The following PSD3 variants were observed in gnomAD, a reference collection of about 807,000 sequenced individuals.
The protein encoded by PSD3 is pleckstrin and Sec7 domain containing 3.
In PSD3, 49 loss-of-function variants were observed where a neutral mutation model predicts 105.5. The ratio of observed to expected loss-of-function variants is 0.46; its 90% CI spans 0.37 to 0.59. The LOEUF is 0.59. Among genes scored for constraint, PSD3 ranks in the 20% least tolerant of loss-of-function variants. PSD3 has a pLI of 0.00. For missense variants in PSD3, 1,561 were observed against 1,263.8 expected (o/e 1.24, Z -3.57); for synonymous variants, 557 against 457.8 (o/e 1.22, Z -2.77).
chr8:18,796,143 T>A (rs1405590255), intron 8 of PSD3, among the ~76,000 whole-genome samples: 1 of 148,734 alleles, frequency 6.7e-6, no homozygotes, highest in Non-Finnish European at 1.5e-5. Context: ...CAGTCACATT[T>A]TTTTAAAAGC....
At chr8:18,784,591 G>T (rs924318891) in intron 8 of PSD3, among the ~76,000 whole-genome samples, 1 of 152,194 alleles carries the variant, frequency 6.6e-6, no homozygotes, top group African/African-American at 2.4e-5. Context: ...GCTATAAATG[G>T]GGGTTTGCAG....
intron 15 of PSD3, among the ~76,000 whole-genome samples, chr8:18,551,745 A>G (rs1800780334): frequency 6.6e-6 from 1 of 152,218 alleles, no homozygotes; most frequent in African/African-American, 2.4e-5. Flanking sequence ...TTCAGTCATG[A>G]GGGAAGTGGA....
At chr8:18,833,410 G>C (rs1813839904) in intron 4 of PSD3, among the ~76,000 whole-genome samples, 1 of 152,142 alleles carries the variant, frequency 6.6e-6, no homozygotes, top group Non-Finnish European at 1.5e-5. Context: ...TTTCCCAATA[G>C]GCCAGTACCA....
intron 6 of PSD3, chr8:18,802,257 CA>C: frequency 4.1e-6 from 1 of 246,842 alleles, no homozygotes; most frequent in Non-Finnish European, 8.7e-6. Flanking sequence ...GGAAGTGTAT[CA>C]AAAACCACAC....
chr8:18,937,097 C>T (rs1262141421), intron 1 of PSD3, among the ~76,000 whole-genome samples: 1 of 152,214 alleles, frequency 6.6e-6, no homozygotes, highest in East Asian at 1.9e-4. Flanking sequence ...TAACTCTGAA[C>T]TCCTAAGACC....
intron 15 of PSD3, among the ~76,000 whole-genome samples, chr8:18,536,589 A>G (rs7830917): frequency 0.031 from 4,784 of 152,272 alleles, 152 homozygotes; most frequent in African/African-American, 0.081. Flanking sequence ...TGCTATGAAC[A>G]GTATGAAGCT....
At chr8:18,652,142 G>A (rs570694483) in intron 10 of PSD3, among the ~76,000 whole-genome samples, 1 of 152,216 alleles carries the variant, frequency 6.6e-6, no homozygotes, top group African/African-American at 2.4e-5. Flanking sequence ...TAGAAATGGA[G>A]CACACACGAC....
At chr8:18,732,499 G>A (rs755715358) in intron 9 of PSD3, among the ~76,000 whole-genome samples, 12 of 152,328 alleles carry the variant, frequency 7.9e-5, no homozygotes, top group East Asian at 3.9e-4. Context: ...GCTAATGGCC[G>A]AGCTGACCTG....
chr8:18,566,379 A>G (rs2634437), intron 14 of PSD3, among the ~76,000 whole-genome samples: 141,670 of 151,858 alleles, frequency 0.93, 66,222 homozygotes, highest in Non-Finnish European at 0.97. Flanking sequence ...ACGAAAAATT[A>G]GCTGGGTATG....
At chr8:18,983,814 C>A (rs1825360378) in intron 1 of PSD3, among the ~76,000 whole-genome samples, 1 of 151,486 alleles carries the variant, frequency 6.6e-6, no homozygotes, top group Non-Finnish European at 1.5e-5. Flanking sequence ...GCCAGGGCAA[C>A]ATAGCCAGAC....
In PSD3 at chr8:18,529,784, T is replaced by C. The variant is rs1351075766; in HGVS notation, c.*5959A>G. The C allele has an allele frequency of 6.6e-6, 1 of 152,634 alleles. No individual in the cohort carries two copies. Among genetic ancestry groups the C allele is most frequent in the Non-Finnish European group, 1.5e-5 (1 of 68,042 alleles). 9.5% of individuals were successfully genotyped at this position (152,634 alleles called of 1,614,324 possible). A position where few individuals can be genotyped will look rare whatever the true frequency, so the allele number is the denominator to read the frequency against. ...GTTAAGGCCCAAAAATGAAACGTTTTGCTTCTCCTACTCCTTTTCTACATG... is the reference window on the plus strand; with the variant it reads ...GTTAAGGCCCAAAAATGAAACGTTTCGCTTCTCCTACTCCTTTTCTACATG... On this transcript the variant is annotated 3_prime_UTR_variant, in exon 16 of 16. Transcript: ENST00000327040.
intron 9 of PSD3, among the ~76,000 whole-genome samples, chr8:18,727,600 C>T (rs1803430651): frequency 1.4e-5 from 2 of 145,712 alleles, no homozygotes; most frequent in Non-Finnish European, 3.0e-5. Context: ...ACACACACAC[C>T]CCTCTTATTC....
At chr8:18,717,894 T>C (rs1043506990) in intron 9 of PSD3, among the ~76,000 whole-genome samples, 3 of 152,102 alleles carry the variant, frequency 2.0e-5, no homozygotes, top group African/African-American at 7.2e-5. Flanking sequence ...ACTTGGTAAA[T>C]AGAACACAAA....
rs538970689 is a variant in PSD3 at position 18,623,726 on chromosome 8, G to A, written c.2410+8887C>T. ...ATAAAGTAGGTATACATGTACTACCGCCAAATGTAAAAAATATATATTATC... is the reference window on the plus strand; with the variant it reads ...ATAAAGTAGGTATACATGTACTACCACCAAATGTAAAAAATATATATTATC... On this transcript the variant is annotated intron_variant, in intron 11 of 15. Transcript: ENST00000327040. Among the ~76,000 whole-genome samples the A allele has an allele frequency of 2.1e-3, 323 of 151,442 alleles. 2 individuals are homozygous for A. Among genetic ancestry groups the A allele is most frequent in the African/African-American group, 7.2e-3 (297 of 41,320 alleles).
chr8:18,798,897 G>A (rs1304977064), intron 8 of PSD3, among the ~76,000 whole-genome samples: 3 of 152,124 alleles, frequency 2.0e-5, no homozygotes, highest in Non-Finnish European at 2.9e-5. Flanking sequence ...GAAAGGCTGA[G>A]TTATTCAACT....
intron 4 of PSD3, among the ~76,000 whole-genome samples, chr8:18,857,675 C>A (rs574002148): frequency 3.9e-5 from 6 of 152,148 alleles, no homozygotes; most frequent in Non-Finnish European, 8.8e-5. Flanking sequence ...CAAACTTCCA[C>A]GTGAATGTAA....
chr8:18,554,674 T>C (rs1585228593), intron 15 of PSD3, among the ~76,000 whole-genome samples: 1 of 152,138 alleles, frequency 6.6e-6, no homozygotes, highest in African/African-American at 2.4e-5. Flanking sequence ...GGCCTGGAAA[T>C]GAACTTAGGC....
At chr8:19,008,166 T>C (rs892434182) in intron 1 of PSD3, among the ~76,000 whole-genome samples, 5 of 152,190 alleles carry the variant, frequency 3.3e-5, no homozygotes, top group Non-Finnish European at 4.4e-5. Context: ...TATAGGGAGA[T>C]ATAAGCATCA....
At chr8:18,641,404 T>C (rs1303502101) in intron 10 of PSD3, among the ~76,000 whole-genome samples, 1 of 152,146 alleles carries the variant, frequency 6.6e-6, no homozygotes, top group Non-Finnish European at 1.5e-5. Flanking sequence ...GAGGGGTTCA[T>C]CATCCAGTAG....
Sources: allele counts gnomAD v4.1 joint callset (sites outside exome capture counted in the v4.1 genomes callset), GRCh38; gene constraint gnomAD v4.1.1; transcripts MANE v1.5; gene names NCBI Gene and HGNC (gene_info 2026-07-23, HGNC 2026-07-21).